SYNE2: variants seen among roughly 807,000 people sequenced by gnomAD.
SYNE2 encodes the protein nesprin-2.
Under a neutral mutation model 856.3 loss-of-function variants are expected in SYNE2, and 431 were observed. The ratio of observed to expected loss-of-function variants is 0.50; its 90% CI spans 0.47 to 0.55. The LOEUF (loss-of-function observed/expected upper bound fraction) is 0.55, where lower values mean the gene tolerates loss of function less well. Among genes scored for constraint, SYNE2 ranks in the 20% least tolerant of loss-of-function variants. The pLI is 0.00. For synonymous variants in SYNE2, 2,923 were observed against 2,872.3 expected (o/e 1.02, Z -0.56); for missense variants, 8,129 against 8,023.2 (o/e 1.01, Z -0.50).
At chr14:63,970,155 CCGTTGT>C (rs2096455044) in intron 11 of SYNE2, among the ~76,000 whole-genome samples, 1 of 152,044 alleles carries the variant, frequency 6.6e-6, no homozygotes, top group South Asian at 2.1e-4. Flanking sequence ...ATAAATGACA[CCGTTGT>C]ATCTTGCTTT....
At chr14:64,183,588 G>C (rs11846882) in intron 96 of SYNE2, among the ~76,000 whole-genome samples, 7,505 of 152,072 alleles carry the variant, frequency 0.049, 360 homozygotes, top group African/African-American at 0.14. Flanking sequence ...AGGTTGTAGC[G>C]AGCCGAGATC....
chr14:63,772,689 G>A (rs1180972776), intron 1 of SYNE2, among the ~76,000 whole-genome samples: 1 of 151,878 alleles, frequency 6.6e-6, no homozygotes, highest in Non-Finnish European at 1.5e-5. Flanking sequence ...GTTTCAGGGA[G>A]CCGAGACCAT....
At chr14:64,087,649 T>C in intron 57 of SYNE2, 22 bp from the exon 58 acceptor site, 1 of 1,612,640 alleles carries the variant, frequency 6.2e-7, no homozygotes. Flanking sequence ...CTCTCTATTT[T>C]TCCCATTCTG....
Position 64,143,909 on chromosome 14 carries a change from C to T in SYNE2, c.15444C>T (p.Asn5148=), listed in dbSNP as rs771629482. Residue 5148 remains asparagine, a synonymous_variant, in exon 83 of 116, where the codon AAC becomes AAT. Transcript: ENST00000555002. ...TEFAEHLGEM[N]RQWHRVHGML... is the part of the protein sequence containing the mutation. ...TTGCAGAGCACCTGGGGGAGATGAA[C>T]CGCCAGTGGCACCGTGTACATGGAA... 2.5e-6 allele frequency: 4 copies of T among 1,614,166 alleles called. No homozygotes were observed. The Admixed American group carries it at 6.7e-5, about 27-fold the overall frequency.
chr14:64,162,731 G>GT (rs891385747), intron 88 of SYNE2: 4 of 254,042 alleles, frequency 1.6e-5, no homozygotes, highest in Non-Finnish European at 2.3e-5. Context: ...CCTCTATGGT[G>GT]TTTTTTCTAT....
At chr14:63,854,100 A>G (rs1308246929) in intron 1 of SYNE2, among the ~76,000 whole-genome samples, 1 of 151,434 alleles carries the variant, frequency 6.6e-6, no homozygotes, top group Non-Finnish European at 1.5e-5. Flanking sequence ...GGTTGTGTAC[A>G]AGCACCAGCA....
intron 49 of SYNE2, among the ~76,000 whole-genome samples, chr14:64,056,662 C>A (rs1358348531): frequency 7.8e-6 from 1 of 128,854 alleles, no homozygotes. Flanking sequence ...ATTTTCCTGA[C>A]TTTTGTTGTA....
chr14:63,840,680 C>T (rs936541791), intron 1 of SYNE2, among the ~76,000 whole-genome samples: 4 of 152,038 alleles, frequency 2.6e-5, no homozygotes, highest in Admixed American at 2.6e-4. Context: ...ATTACATGAA[C>T]AAGATATATC....
At chr14:64,207,954 G>A (rs765133188) in intron 100 of SYNE2, 109 of 455,032 alleles carry the variant, frequency 2.4e-4, no homozygotes, top group African/African-American at 1.9e-3. Flanking sequence ...CTCCCTCCCC[G>A]CAGCCCACCC....
At chr14:63,997,520 A>G in intron 25 of SYNE2, 129 bp downstream of exon 25, 18 of 808,828 alleles carry the variant, frequency 2.2e-5, no homozygotes, top group Non-Finnish European at 3.8e-5. Context: ...GAGAATTTCC[A>G]CTTACACAAT....
chr14:63,795,556 T>C (rs1012626770), intron 1 of SYNE2, among the ~76,000 whole-genome samples: 1 of 152,142 alleles, frequency 6.6e-6, no homozygotes, highest in Non-Finnish European at 1.5e-5. Context: ...ATTAGTTCTG[T>C]CCCTCTAGAG....
chr14:64,137,311 T>C (rs1447579063), intron 78 of SYNE2, among the ~76,000 whole-genome samples: 3 of 152,202 alleles, frequency 2.0e-5, no homozygotes, highest in Non-Finnish European at 4.4e-5. Flanking sequence ...GCAATTCTCC[T>C]GCCTCAGCCT....
rs528289530 is a variant in SYNE2 at position 64,082,376 on chromosome 14, T to TTCCAAAATTTGAAAAAG, written c.11484+805_11484+821dup. Among the ~76,000 whole-genome samples, 1,355 of 152,118 alleles carry TTCCAAAATTTGAAAAAG rather than the reference T, an allele frequency of 8.9e-3. 19 individuals are homozygous for TTCCAAAATTTGAAAAAG. The highest frequency in any genetic ancestry group is 0.031 in the African/African-American group (1,295 of 41,432). ...TCCACCGGTAAGTATAATACTTACA[T>TTCCAAAATTTGAAAAAG]TCCAAAATTTGAAAAAGTCCAAAAT... On this transcript the variant is annotated intron_variant, in intron 57 of 115. Coordinates refer to ENST00000555002, the MANE Select transcript of SYNE2 (RefSeq NM_182914.3).
intron 1 of SYNE2, among the ~76,000 whole-genome samples, chr14:63,901,876 G>A (rs2095341748): frequency 6.6e-6 from 1 of 152,180 alleles, no homozygotes; most frequent in Admixed American, 6.5e-5. Flanking sequence ...AGTGAGCCAT[G>A]ATAGCACCAC....
chr14:64,052,192 A>G lies in SYNE2; in HGVS notation c.8279A>G (p.Asp2760Gly). 1 of 1,614,184 alleles carries G rather than the reference A, an allele frequency of 6.2e-7. No homozygotes were observed. Among genetic ancestry groups the G allele is most frequent in the Non-Finnish European group, 8.5e-7 (1 of 1,180,040 alleles). Reference sequence around the variant, plus strand: ...CCCTCCATTCCCCTTCTCCCAGATGACATTCTTTCACAGATCAGAAAGTGC... The same window carrying G: ...CCCTCCATTCCCCTTCTCCCAGATGGCATTCTTTCACAGATCAGAAAGTGC... The part of the protein sequence containing the change: ...LNPSIPLLPD[D>G]ILSQIRKCKV... Residue 2760 changes from aspartate (D) to glycine (G), a missense_variant, in exon 48 of 116, where the codon GAC (aspartate) becomes GGC (glycine). By Grantham distance (94) the Asp-to-Gly change is moderately conservative. This residue lies in a region of SYNE2 where 5,410 missense variants were observed against 5,284.8 expected (regional missense o/e 1.02). Transcript: ENST00000555002.
At position 63,993,839 on chromosome 14, in the gene SYNE2, C is replaced by T. The variant is rs2096689483; in HGVS notation, c.2651C>T (p.Ala884Val). ...TGCAATTTTTTTTTTTTTTAGGAAG[C>T]ACTAATAATTTCTAATACAAAAAGT... Reference protein sequence around the residue: ...PGELISKHKEALIISNTKSLA... With the variant: ...PGELISKHKEVLIISNTKSLA... Residue 884 changes from alanine (A) to valine (V), a missense_variant, in exon 22 of 116, where the codon GCA (alanine) becomes GTA (valine). Ala to Val is a moderately conservative substitution (Grantham distance 64). Coordinates refer to ENST00000555002, the MANE Select transcript of SYNE2 (RefSeq NM_182914.3). The T allele has an allele frequency of 6.3e-7, 1 of 1,594,910 alleles. No homozygotes were observed. The highest frequency in any genetic ancestry group is 8.5e-7 in the Non-Finnish European group (1 of 1,171,568).
At chr14:64,224,958 A>T in intron 114 of SYNE2, 41 bp from the exon 115 acceptor site, 1 of 1,603,008 alleles carries the variant, frequency 6.2e-7, no homozygotes, top group Non-Finnish European at 8.5e-7. Flanking sequence ...ATAGGACTAA[A>T]CTGTCTTCAA....
chr14:63,878,448 A>G (rs1172780437), intron 1 of SYNE2, among the ~76,000 whole-genome samples: 2 of 152,208 alleles, frequency 1.3e-5, no homozygotes, highest in African/African-American at 4.8e-5. Flanking sequence ...GGGGCCACAC[A>G]AGAATCAAGA....
intron 21 of SYNE2, among the ~76,000 whole-genome samples, chr14:63,991,782 A>G (rs891466569): frequency 6.6e-6 from 1 of 152,098 alleles, no homozygotes; most frequent in African/African-American, 2.4e-5. Flanking sequence ...ACTTTTTTTC[A>G]TTCATATTCA....
Sources: gnomAD v4.1 joint callset for allele counts (sites outside exome capture counted in the v4.1 genomes callset) on GRCh38, gnomAD v4.1.1 for gene constraint, gnomAD v4.1.1 regional missense constraint, MANE v1.5 for transcripts, NCBI Gene and HGNC (gene_info 2026-07-23, HGNC 2026-07-21) for gene names.